The following DNAH8 variants were observed in gnomAD, a reference collection of about 807,000 sequenced individuals.
The protein encoded by DNAH8 is axonemal beta dynein heavy chain 8.
Under a neutral mutation model 562.1 loss-of-function variants are expected in DNAH8, and 382 were observed. The observed-to-expected ratio is 0.68, with a 90% confidence interval of 0.63 to 0.74. The LOEUF is 0.74. DNAH8 is among the 30% of genes least tolerant of loss of function. The pLI is 0.00. For missense variants in DNAH8, 5,203 were observed against 5,620.4 expected, an observed-to-expected ratio of 0.93 and a Z score of 2.37; for synonymous variants, 1,881 against 1,919.4, an observed-to-expected ratio of 0.98 and a Z score of 0.52.
chr6:38,732,590 A>G (rs573883109), intron 4 of DNAH8, among the ~76,000 whole-genome samples: 2 of 152,282 alleles, frequency 1.3e-5, no homozygotes, highest in African/African-American at 4.8e-5. Flanking sequence ...TAGTTGAACA[A>G]TCAGGTCTCG....
chr6:38,910,571 T>C lies in DNAH8; in HGVS notation c.9740+827T>C, dbSNP rs916775810. Among the ~76,000 whole-genome samples the C allele has an allele frequency of 4.6e-5, 7 of 152,232 alleles. No homozygotes were observed. The South Asian group carries it at 8.3e-4, about 18-fold the overall frequency. On this transcript the variant is annotated intron_variant, in intron 65 of 92. Transcript: ENST00000327475. ...ATACTAATTCTTACTGTTAAGAAGA[T>C]TTTCTTTCTATTTGAACGCCTGCTA...
At chr6:38,972,752 G>A (rs776668203) in intron 83 of DNAH8, among the ~76,000 whole-genome samples, 18 of 152,168 alleles carry the variant, frequency 1.2e-4, no homozygotes, top group Non-Finnish European at 4.4e-5. Flanking sequence ...CGCCTTGAGG[G>A]ACACCATGTT....
At chr6:38,997,307 G>A (rs1035172785) in intron 88 of DNAH8, among the ~76,000 whole-genome samples, 1 of 152,076 alleles carries the variant, frequency 6.6e-6, no homozygotes, top group Non-Finnish European at 1.5e-5. Context: ...TTCCCCCACC[G>A]GCCACCAGGA....
chr6:39,001,361 A>G (rs1168838409), intron 88 of DNAH8, among the ~76,000 whole-genome samples: 1 of 152,078 alleles, frequency 6.6e-6, no homozygotes, highest in Admixed American at 6.6e-5. Flanking sequence ...GTCATCATGT[A>G]CAGAATGACA....
chr6:38,772,996 T>TTTTTTTTTTTTTTTTTTTGTTG (rs1554205957), intron 12 of DNAH8, among the ~76,000 whole-genome samples: 2 of 109,976 alleles, frequency 1.8e-5, no homozygotes, highest in African/African-American at 7.1e-5. Flanking sequence ...TTTTTTTTTT[T>TTTTTTTTTTTTTTTTTTTGTTG]TTGTAGAGAT....
chr6:38,763,375 GA>G (rs148000889), intron 11 of DNAH8: 31,643 of 250,756 alleles, frequency 0.13, 2,452 homozygotes, highest in Admixed American at 0.23. Flanking sequence ...AAATACAGAA[GA>G]AAAAAAAGCA....
chr6:38,828,103 A>G (rs1773520044), intron 29 of DNAH8, 81 bp from the exon 30 acceptor site: 1 of 846,112 alleles, frequency 1.2e-6, no homozygotes, highest in South Asian at 1.6e-5. Context: ...AAGACATAGG[A>G]ATGTGTTTCT....
intron 69 of DNAH8, among the ~76,000 whole-genome samples, chr6:38,917,680 G>A (rs1166467373): frequency 6.6e-6 from 1 of 152,094 alleles, no homozygotes; most frequent in Non-Finnish European, 1.5e-5. Context: ...TGTGGTTGGT[G>A]GCATTCAGAT....
intron 76 of DNAH8, among the ~76,000 whole-genome samples, chr6:38,934,642 A>G (rs1368224760): frequency 1.3e-5 from 2 of 152,114 alleles, no homozygotes; most frequent in Non-Finnish European, 2.9e-5. Context: ...GATTATTGAG[A>G]TTTCAATGTA....
At chr6:38,759,035 G>A (rs1440554616) in intron 10 of DNAH8, among the ~76,000 whole-genome samples, 1 of 152,138 alleles carries the variant, frequency 6.6e-6, no homozygotes, top group Non-Finnish European at 1.5e-5. Flanking sequence ...CAGGCATGGT[G>A]GTTCAGGCTG....
At chr6:39,010,385 A>G (rs1198300112) in intron 89 of DNAH8, among the ~76,000 whole-genome samples, 1 of 152,222 alleles carries the variant, frequency 6.6e-6, no homozygotes, top group Non-Finnish European at 1.5e-5. Context: ...ACCTGGTCCC[A>G]GAAACATAAT....
chr6:38,982,430 C>T lies in DNAH8; in HGVS notation c.12919C>T (p.Gln4307Ter). 1.9e-6 allele frequency: 3 copies of T among 1,593,916 alleles called. No individual in the cohort carries two copies. The highest frequency in any genetic ancestry group is 2.6e-6 in the Non-Finnish European group (3 of 1,161,772). Residue 4307 changes from glutamine to a stop codon, truncating the protein, a stop_gained, in exon 86 of 93, where the codon CAG (glutamine) becomes TAG (stop). Transcript: ENST00000327475. LOFTEE classifies it high-confidence loss of function. ...ADFSASVQFI[Q>*]NHLDECDIKK... ...CTTTTCAGCCAGTGTTCAGTTTATT[C>T]AGAATCACCTTGATGAATGCGATAT...
rs1738260 is a variant in DNAH8, at chr6:38,778,487, A to T, written c.2039+23A>T. The T allele has an allele frequency of 0.21, 300,190 of 1,403,746 alleles. 35,102 individuals carry two copies. Among genetic ancestry groups the T allele is most frequent in the East Asian group, 0.47 (20,180 of 43,240 alleles). The allele number at this position is 1,403,746 out of a possible 1,614,324, so 87.0% of individuals were successfully genotyped here. ...AAGGTATTCATAACACTTTAAGCAG[A>T]GTAGTTTCTGGGGGGAATAACTTTA... On this transcript the variant is annotated intron_variant, in intron 14 of 92. Coordinates refer to ENST00000327475, the MANE Select transcript of DNAH8 (RefSeq NM_001206927.2).
At chr6:38,959,001 G>A (rs1762446910) in intron 82 of DNAH8, among the ~76,000 whole-genome samples, 1 of 152,098 alleles carries the variant, frequency 6.6e-6, no homozygotes, top group Non-Finnish European at 1.5e-5. Flanking sequence ...TGTGATATAT[G>A]ACAGTAATAG....
At chr6:38,978,125 G>A (rs1254479526) in intron 85 of DNAH8, among the ~76,000 whole-genome samples, 2 of 152,126 alleles carry the variant, frequency 1.3e-5, no homozygotes, top group African/African-American at 4.8e-5. Flanking sequence ...TTTTCAAACA[G>A]CTTATATATA....
intron 9 of DNAH8, among the ~76,000 whole-genome samples, chr6:38,752,682 G>A (rs1479234931): frequency 6.6e-6 from 1 of 152,074 alleles, no homozygotes; most frequent in African/African-American, 2.4e-5. Context: ...AGGTGTAAAG[G>A]CAGTTTATAA....
At chr6:38,875,058 A>T (rs146690783) in intron 52 of DNAH8, among the ~76,000 whole-genome samples, 2,696 of 152,228 alleles carry the variant, frequency 0.018, 84 homozygotes, top group African/African-American at 0.061. Context: ...TGTCTCAACC[A>T]CTCAGCTTTG....
intron 16 of DNAH8, among the ~76,000 whole-genome samples, chr6:38,782,446 A>G (rs1768722214): frequency 6.6e-6 from 1 of 152,038 alleles, no homozygotes; most frequent in Non-Finnish European, 1.5e-5. Flanking sequence ...ATGCCTGGCT[A>G]ATTTTTTTGT....
rs540138630 is a variant in DNAH8, at chr6:38,838,523, C to T, written c.4466+481C>T. ...ATGCTATTCTCCTGCCTCAGCCTTC[C>T]GAATAGCTGGGACTACAGGCTCCTA... On this transcript the variant is annotated intron_variant, in intron 33 of 92. Coordinates refer to ENST00000327475, the MANE Select transcript of DNAH8 (RefSeq NM_001206927.2). 1.3e-4 allele frequency among the ~76,000 whole-genome samples: 20 copies of T among 152,152 alleles called. 1 individual carries two copies. In the South Asian group the frequency reaches 3.5e-3, roughly 27 times the overall value.
Sources: gnomAD v4.1 joint callset for allele counts (sites outside exome capture counted in the v4.1 genomes callset) on GRCh38, gnomAD v4.1.1 for gene constraint, MANE v1.5 for transcripts, NCBI Gene and HGNC (gene_info 2026-07-23, HGNC 2026-07-21) for gene names.